ELFN1: variants seen among roughly 807,000 people sequenced by gnomAD.
ELFN1 encodes extracellular leucine rich repeat and fibronectin type III domain containing 1, also known as protein ELFN1.
In ELFN1, 6 loss-of-function variants were observed where a neutral mutation model predicts 7.6. The observed-to-expected ratio is 0.79, with a 90% CI of 0.43 to 1.56. The LOEUF (loss-of-function observed/expected upper bound fraction) is 1.56, where lower values mean the gene tolerates loss of function less well. Among genes scored for constraint, ELFN1 ranks in the 40% most tolerant of loss-of-function variants. The pLI, the probability that ELFN1 is intolerant of heterozygous loss-of-function variation, is 0.01. For synonymous variants in ELFN1, 657 were observed against 588.1 expected (o/e 1.12, Z -1.70); for missense variants, 1,169 against 1,232.2 (o/e 0.95, Z 0.77).
At position 1,688,128 on chromosome 7, in the gene ELFN1, C is replaced by T. The variant is rs1456535759; in HGVS notation, c.-478C>T. On this transcript the variant is annotated 5_prime_UTR_variant, in exon 2 of 4. Transcript: ENST00000424383. ...ACTTAAGCGATTCTCCTACGTTGGTCTCCCAAAGTGCTGGGATTACAGGTA... is the reference window on the plus strand; with the variant it reads ...ACTTAAGCGATTCTCCTACGTTGGTTTCCCAAAGTGCTGGGATTACAGGTA... The T allele has an allele frequency of 6.7e-6, 1 of 149,164 alleles. No individual in the cohort carries two copies. The highest frequency in any genetic ancestry group is 1.5e-5 in the Non-Finnish European group (1 of 67,746). 9.2% of individuals were successfully genotyped at this position (149,164 alleles called of 1,614,324 possible).
At chr7:1,741,185 G>T (rs1180931838) in intron 3 of ELFN1, among the ~76,000 whole-genome samples, 2 of 152,050 alleles carry the variant, frequency 1.3e-5, no homozygotes, top group Non-Finnish European at 2.9e-5. Flanking sequence ...CAAAGCTGGG[G>T]GCCATAGAGG....
chr7:1,725,916 C>G (rs945777272), intron 3 of ELFN1, among the ~76,000 whole-genome samples: 1 of 151,906 alleles, frequency 6.6e-6, no homozygotes, highest in Non-Finnish European at 1.5e-5. Context: ...AAAAATCACA[C>G]ACAACACACC....
intron 3 of ELFN1, among the ~76,000 whole-genome samples, chr7:1,727,905 A>G (rs972035757): frequency 1.3e-5 from 2 of 151,566 alleles, no homozygotes; most frequent in African/African-American, 4.9e-5. Context: ...ACTGTGCCTC[A>G]CCTCCCCTAG....
At chr7:1,668,574 G>A (rs1335399111), upstream of ELFN1, among the ~76,000 whole-genome samples, 1 of 152,258 alleles carries the variant, frequency 6.6e-6, no homozygotes, top group East Asian at 1.9e-4. Context: ...GACCTTCCAA[G>A]CGTGACCAAG....
At chr7:1,701,506 TCA>T (rs1779428110) in intron 2 of ELFN1, among the ~76,000 whole-genome samples, 1 of 152,234 alleles carries the variant, frequency 6.6e-6, no homozygotes, top group South Asian at 2.1e-4. Flanking sequence ...TCCCTGTCTC[TCA>T]GTCATCAATA....
intron 3 of ELFN1, among the ~76,000 whole-genome samples, chr7:1,736,066 C>G (rs1220079268): frequency 6.6e-6 from 1 of 152,216 alleles, no homozygotes; most frequent in African/African-American, 2.4e-5. Context: ...GGCCGGGTCA[C>G]CGTGGCAGGC....
Position 1,739,956 on chromosome 7 carries a change from A to G in ELFN1, c.-293-4348A>G, listed in dbSNP as rs1025492854. 2.6e-5 allele frequency among the ~76,000 whole-genome samples: 4 copies of G among 152,186 alleles called. No individual in the cohort carries two copies. The highest frequency in any genetic ancestry group is 4.4e-5 in the Non-Finnish European group (3 of 68,018). On this transcript the variant is annotated intron_variant, in intron 3 of 3. Coordinates refer to ENST00000424383, the MANE Select transcript of ELFN1 (RefSeq NM_001128636.4). This position sits in a 1 kb window ranked among gnomAD's most constrained non-coding sequence, Gnocchi z 4.6. ...TACACAGGTCAAGTTGGTTTGTTTT[A>G]TGGAAGGTTCTAGAACTACGAGTTC...
At chr7:1,725,707 C>T (rs1309620530) in intron 3 of ELFN1, among the ~76,000 whole-genome samples, 3 of 152,248 alleles carry the variant, frequency 2.0e-5, no homozygotes, top group African/African-American at 7.2e-5. Flanking sequence ...GTGTGCACGT[C>T]TGTGTGTGCA....
chr7:1,706,029 G>A (rs984978764), intron 2 of ELFN1, among the ~76,000 whole-genome samples: 22 of 152,198 alleles, frequency 1.4e-4, no homozygotes, highest in African/African-American at 2.4e-4. Context: ...TCCAGGTCAC[G>A]GCAGTGGTGG....
intron 3 of ELFN1, among the ~76,000 whole-genome samples, chr7:1,720,934 G>A (rs1299493176): frequency 6.6e-6 from 1 of 152,180 alleles, no homozygotes; most frequent in South Asian, 2.1e-4. Flanking sequence ...GGTCCCAGCT[G>A]TGTCCCTTAC....
intron 3 of ELFN1, among the ~76,000 whole-genome samples, chr7:1,741,129 C>A (rs1357028220): frequency 9.4e-3 from 1,097 of 116,532 alleles, no homozygotes; most frequent in Non-Finnish European, 0.011. Flanking sequence ...GACTCTGTCT[C>A]AAAAAAAAAA....
intron 1 of ELFN1, among the ~76,000 whole-genome samples, chr7:1,686,866 A>G (rs1779070430): frequency 6.6e-6 from 1 of 151,426 alleles, no homozygotes; most frequent in Admixed American, 6.6e-5. Context: ...ATTTCATGCA[A>G]CTCTCTGTCA....
At chr7:1,737,021 C>T (rs774201933) in intron 3 of ELFN1, among the ~76,000 whole-genome samples, 6 of 152,174 alleles carry the variant, frequency 3.9e-5, no homozygotes, top group Non-Finnish European at 8.8e-5. Context: ...GCAGCCCCAC[C>T]TCCCGCCCAG....
chr7:1,732,568 C>A (rs1780346995), intron 3 of ELFN1, among the ~76,000 whole-genome samples: 2 of 152,162 alleles, frequency 1.3e-5, no homozygotes, highest in East Asian at 1.9e-4. Flanking sequence ...TTTGATCCTT[C>A]TTTACACCAG....
intron 3 of ELFN1, among the ~76,000 whole-genome samples, chr7:1,719,886 C>T (rs1779965850): frequency 6.7e-6 from 1 of 149,838 alleles, no homozygotes; most frequent in Non-Finnish European, 1.5e-5. Context: ...CAGGCAGGGG[C>T]CTCCCCCACC....
intron 2 of ELFN1, among the ~76,000 whole-genome samples, chr7:1,690,757 GTGGGTGGATGGATGGA>G (rs1779145538): frequency 6.6e-6 from 1 of 150,966 alleles, no homozygotes; most frequent in Non-Finnish European, 1.5e-5. Flanking sequence ...GGATAGGTGG[GTGGGTGGATGGATGGA>G]TGGGTGGATG....
rs144511764 is a variant in ELFN1 at position 1,741,263 on chromosome 7, C to T, written c.-293-3041C>T. ...CCTCCCTGGCAGGGCGCTGGCCACACTGGGAAGTCGTGCCCACACGCCCTA... is the reference window on the plus strand; with the variant it reads ...CCTCCCTGGCAGGGCGCTGGCCACATTGGGAAGTCGTGCCCACACGCCCTA... On this transcript the variant is annotated intron_variant, in intron 3 of 3. Coordinates refer to ENST00000424383, the MANE Select transcript of ELFN1 (RefSeq NM_001128636.4). Among the ~76,000 whole-genome samples the T allele has an allele frequency of 6.6e-3, 1,009 of 152,296 alleles. 15 individuals are homozygous for T. The highest frequency in any genetic ancestry group is 0.023 in the African/African-American group (959 of 41,562).
chr7:1,710,673 C>G (rs961766864), intron 3 of ELFN1, among the ~76,000 whole-genome samples: 2 of 152,214 alleles, frequency 1.3e-5, no homozygotes, highest in Admixed American at 1.3e-4. Context: ...CTCTAACTCA[C>G]AGGCCAGTGT....
chr7:1,711,575 T>TGAGA (rs55658122), intron 3 of ELFN1, among the ~76,000 whole-genome samples: 1,245 of 87,498 alleles, frequency 0.014, 39 homozygotes, highest in East Asian at 0.024. Flanking sequence ...AGCGAGAGAG[T>TGAGA]GAGAGAGAGA....
Sources: gnomAD v4.1 joint callset for allele counts (sites outside exome capture counted in the v4.1 genomes callset) on GRCh38, gnomAD v4.1.1 for gene constraint, Gnocchi (gnomAD v3.1) non-coding constraint, MANE v1.5 for transcripts, NCBI Gene and HGNC (gene_info 2026-07-23, HGNC 2026-07-21) for gene names.